The following SPAST variants were observed in gnomAD, a reference collection of about 807,000 sequenced individuals.
SPAST encodes spastin, also known as spastic paraplegia 4 (autosomal dominant; spastin).
A neutral mutation model predicts 76.6 loss-of-function variants in SPAST; 30 were observed. The ratio of observed to expected loss-of-function variants is 0.39; its 90% CI spans 0.29 to 0.53. SPAST has a LOEUF of 0.53. Among genes scored for constraint, SPAST ranks in the 20% least tolerant of loss-of-function variants. SPAST has a pLI of 0.68. For synonymous variants in SPAST, 305 were observed against 281.0 expected (o/e 1.09, Z -0.86); for missense variants, 717 against 770.5 (o/e 0.93, Z 0.82).
intron 8 of SPAST, 91 bp downstream of exon 8, chr2:32,127,113 T>A (rs1268594534): frequency 1.1e-6 from 1 of 879,018 alleles, no homozygotes; most frequent in Non-Finnish European, 1.9e-6. Context: ...AGTCTATTAT[T>A]TACGACTTGC....
chr2:32,149,309 G>C (rs1360362091), intron 16 of SPAST, among the ~76,000 whole-genome samples: 4 of 143,538 alleles, frequency 2.8e-5, no homozygotes, highest in Non-Finnish European at 4.5e-5. Flanking sequence ...ATGTTGGCCA[G>C]GTGGGTCTCG....
intron 1 of SPAST, among the ~76,000 whole-genome samples, chr2:32,077,658 T>C (rs1677018449): frequency 6.6e-6 from 1 of 152,194 alleles, no homozygotes; most frequent in African/African-American, 2.4e-5. Context: ...TGCAAACACA[T>C]ATCCTCTCAC....
intron 4 of SPAST, among the ~76,000 whole-genome samples, chr2:32,109,827 TAC>T (rs1352779163): frequency 6.7e-6 from 1 of 149,190 alleles, no homozygotes; most frequent in Non-Finnish European, 1.5e-5. Context: ...CATATATAGT[TAC>T]ATATGTATAT....
At chr2:32,103,937 T>C (rs1678220616) in intron 4 of SPAST, among the ~76,000 whole-genome samples, 2 of 152,176 alleles carry the variant, frequency 1.3e-5, no homozygotes, top group African/African-American at 4.8e-5. Flanking sequence ...GAAGAATGTA[T>C]ATTCTGTTGA....
At chr2:32,114,439 A>C (rs978249389) in intron 4 of SPAST, among the ~76,000 whole-genome samples, 199 bp from the exon 5 acceptor site, 1 of 152,140 alleles carries the variant, frequency 6.6e-6, no homozygotes, top group African/African-American at 2.4e-5. Flanking sequence ...CGTTAGGGGG[A>C]AAAAACCTAA....
intron 12 of SPAST, among the ~76,000 whole-genome samples, chr2:32,140,616 C>CA (rs370227533): frequency 0.045 from 6,099 of 134,250 alleles, 171 homozygotes; most frequent in Middle Eastern, 0.13. Flanking sequence ...GGCTCTGTCT[C>CA]AAAAAAAAAA....
At chr2:32,064,374 G>A in intron 1 of SPAST, 128 bp downstream of exon 1, 2 of 837,162 alleles carry the variant, frequency 2.4e-6, no homozygotes, top group South Asian at 3.3e-5. Flanking sequence ...GATATGCCCC[G>A]GGAGACTGCT....
intron 4 of SPAST, among the ~76,000 whole-genome samples, chr2:32,105,827 G>A (rs1206005824): frequency 2.0e-5 from 3 of 152,094 alleles, no homozygotes; most frequent in Non-Finnish European, 2.9e-5. Flanking sequence ...TGGAACCTTC[G>A]TCTGACAGGG....
chr2:32,137,404 T>C (rs968675672), intron 12 of SPAST, among the ~76,000 whole-genome samples: 1 of 152,214 alleles, frequency 6.6e-6, no homozygotes, highest in Non-Finnish European at 1.5e-5. Flanking sequence ...AGTTACGGTT[T>C]TAGGCAAATT....
Position 32,064,181 on chromosome 2 carries a change from G to A in SPAST, c.350G>A (p.Arg117Gln). ...PVPGGEAERVRVFHKQAFEYI... is the reference protein window; with the variant it reads ...PVPGGEAERVQVFHKQAFEYI... ...CCGGGCGGCGAGGCCGAGCGCGTCC[G>A]AGTCTTCCACAAACAGGCCTTCGAG... The change falls in exon 1 of 17, where the codon CGA becomes CAA. Residue 117 changes from arginine to glutamine, a missense_variant. This residue lies in a region of SPAST where 543 missense variants were observed against 445.2 expected (regional missense o/e 1.22). Coordinates refer to ENST00000315285, the MANE Select transcript of SPAST (RefSeq NM_014946.4). 1 of 1,551,558 alleles carries A rather than the reference G, an allele frequency of 6.4e-7. No homozygotes were observed. Among genetic ancestry groups the A allele is most frequent in the Non-Finnish European group, 8.7e-7 (1 of 1,148,252 alleles).
intron 13 of SPAST, among the ~76,000 whole-genome samples, chr2:32,142,465 A>C (rs1322861211): frequency 1.3e-5 from 2 of 152,074 alleles, no homozygotes; most frequent in Admixed American, 1.3e-4. Context: ...CTCAGGCTGG[A>C]GTGCAGTGGC....
chr2:32,091,851 T>A (rs1224777091), intron 3 of SPAST, among the ~76,000 whole-genome samples: 1 of 151,166 alleles, frequency 6.6e-6, no homozygotes, highest in Non-Finnish European at 1.5e-5. Flanking sequence ...TAAAATAAAA[T>A]AAATAGATAA....
chr2:32,092,334 G>A (rs1240334870), intron 3 of SPAST, among the ~76,000 whole-genome samples: 3 of 152,046 alleles, frequency 2.0e-5, no homozygotes, highest in African/African-American at 7.2e-5. Context: ...GGTTCTAATT[G>A]GTACTTTCTA....
At chr2:32,147,805 G>A (rs1679945227) in intron 16 of SPAST, among the ~76,000 whole-genome samples, 1 of 150,650 alleles carries the variant, frequency 6.6e-6, no homozygotes. Context: ...CTAATTTTTT[G>A]TACTTTTAGT....
intron 3 of SPAST, among the ~76,000 whole-genome samples, chr2:32,093,464 AGAGT>A: frequency 6.6e-6 from 1 of 152,328 alleles, no homozygotes; most frequent in Non-Finnish European, 1.5e-5. Context: ...CCTGGATGAC[AGAGT>A]GAGACTTTGT....
intron 1 of SPAST, among the ~76,000 whole-genome samples, chr2:32,072,248 T>A (rs934443724): frequency 6.6e-6 from 1 of 152,158 alleles, no homozygotes; most frequent in Non-Finnish European, 1.5e-5. Context: ...TTTCACCATG[T>A]TGGCCAGGAT....
chr2:32,140,264 C>T (rs1280305333), intron 12 of SPAST, among the ~76,000 whole-genome samples: 1 of 152,050 alleles, frequency 6.6e-6, no homozygotes, highest in African/African-American at 2.4e-5. Flanking sequence ...GTTTTTTATT[C>T]ATTACTTTCC....
At chr2:32,117,534 T>TC (rs1256280508) in intron 7 of SPAST, among the ~76,000 whole-genome samples, 6 of 148,958 alleles carry the variant, frequency 4.0e-5, no homozygotes, top group African/African-American at 1.2e-4. Context: ...AATAATTCTT[T>TC]TTTTTTTTTT....
rs377123251 is a variant in SPAST, at chr2:32,116,114, C to G, written c.1005-5C>G. ...CGTAGAACTAACTGAGGTCTTGTTT[C>G]TTAGTGGAACAGCTGTTAAATTTGA... On this transcript the variant is annotated splice_region_variant and splice_polypyrimidine_tract_variant and intron_variant, in intron 6 of 16. Coordinates refer to ENST00000315285, the MANE Select transcript of SPAST (RefSeq NM_014946.4). 9 of 1,607,790 alleles carry G rather than the reference C, an allele frequency of 5.6e-6. No homozygotes were observed. In the African/African-American group the frequency reaches 6.7e-5, roughly 12 times the overall value.
Sources: allele counts gnomAD v4.1 joint callset (sites outside exome capture counted in the v4.1 genomes callset), GRCh38; gene constraint gnomAD v4.1.1; regional missense constraint gnomAD v4.1.1; transcripts MANE v1.5; gene names NCBI Gene and HGNC (gene_info 2026-07-23, HGNC 2026-07-21).